PPP2R1B: variants seen among roughly 807,000 people sequenced by gnomAD.
The protein encoded by PPP2R1B is serine/threonine-protein phosphatase 2A 65 kDa regulatory subunit A beta isoform.
PPP2R1B carries 58 observed loss-of-function variants against 72.7 expected under a neutral mutation model. The observed-to-expected ratio is 0.80, with a 90% CI of 0.65 to 0.99. The LOEUF is 0.99. Among genes scored for constraint, PPP2R1B ranks in the 50% least tolerant of loss-of-function variants. PPP2R1B has a pLI of 0.00. For missense variants in PPP2R1B, 695 were observed against 733.6 expected, an observed-to-expected ratio of 0.95 and a Z score of 0.61; for synonymous variants, 256 against 264.6, an observed-to-expected ratio of 0.97 and a Z score of 0.32.
chr11:111,692,281 G>T, the PPP2R1B span, among the ~76,000 whole-genome samples: 1 of 140,498 alleles, frequency 7.1e-6, no homozygotes, highest in South Asian at 2.3e-4. Context: ...AACCCAGGAG[G>T]TGGAGGTTGC....
In PPP2R1B at chr11:111,738,516, G is replaced by T; in HGVS notation, c.*3080C>A. 4.1e-6 allele frequency: 4 copies of T among 985,444 alleles called. No homozygotes were observed. Among genetic ancestry groups the T allele is most frequent in the Non-Finnish European group, 4.8e-6 (4 of 829,936 alleles). The allele number at this position is 985,444 out of a possible 1,614,324, so 61.0% of individuals were successfully genotyped here. On this transcript the variant is annotated 3_prime_UTR_variant, in exon 15 of 15. Transcript: ENST00000527614. ...CAGGCTTGCTTCCCTGGAAGTCTACGCAAGCAACCTGAATGCCTGGACAAG... is the reference window on the plus strand; with the variant it reads ...CAGGCTTGCTTCCCTGGAAGTCTACTCAAGCAACCTGAATGCCTGGACAAG...
chr11:111,734,382 A>G (rs905586517), downstream of PPP2R1B, among the ~76,000 whole-genome samples: 6 of 152,222 alleles, frequency 3.9e-5, no homozygotes, highest in African/African-American at 1.4e-4. Flanking sequence ...CACAAACATA[A>G]GAACATCCCT....
rs369682040 is a variant in PPP2R1B at position 111,741,560 on chromosome 11, A to C, written c.*36T>G. On this transcript the variant is annotated 3_prime_UTR_variant, in exon 15 of 15. Coordinates refer to ENST00000527614, the MANE Select transcript of PPP2R1B (RefSeq NM_002716.5). ...ACACATTGACTAGAAATTTGTGACA[A>C]GAATCTAGTAAAGGCCTTTTCCCTC... The C allele has an allele frequency of 1.2e-5, 20 of 1,607,060 alleles. No individual in the cohort carries two copies. Among genetic ancestry groups the C allele is most frequent in the Non-Finnish European group, 1.6e-5 (19 of 1,178,432 alleles).
intron 11 of PPP2R1B, among the ~76,000 whole-genome samples, chr11:111,745,145 G>T (rs113593036): frequency 6.6e-6 from 1 of 150,416 alleles, no homozygotes; most frequent in African/African-American, 2.5e-5. Flanking sequence ...TCCGCCTCCT[G>T]GGTTCAAGCA....
At chr11:111,705,553 A>C in the PPP2R1B span, among the ~76,000 whole-genome samples, 7 of 152,298 alleles carry the variant, frequency 4.6e-5, no homozygotes, top group South Asian at 1.0e-3. The surrounding 1 kb of genome is among the most constrained non-coding windows in gnomAD (Gnocchi z 4.3). Flanking sequence ...ACCATCATTC[A>C]AAATAGGGAA....
Position 111,741,236 on chromosome 11 carries a change from C to T in PPP2R1B, c.*360G>A. 9.5e-7 allele frequency: 1 copy of T among 1,054,816 alleles called. No individual in the cohort carries two copies. Among genetic ancestry groups the T allele is most frequent in the Non-Finnish European group, 1.1e-6 (1 of 874,156 alleles). 65.3% of individuals were successfully genotyped at this position (1,054,816 alleles called of 1,614,324 possible). A position where few individuals can be genotyped will look rare whatever the true frequency, so the allele number is the denominator to read the frequency against. On this transcript the variant is annotated 3_prime_UTR_variant, in exon 15 of 15. Coordinates refer to ENST00000527614, the MANE Select transcript of PPP2R1B (RefSeq NM_002716.5). ...TAAACGTCAAGAGAATCACTCCACT[C>T]CACGTCTGGGTCCACACCCTTCCAG...
chr11:111,743,884 A>T (rs936043264), intron 11 of PPP2R1B, among the ~76,000 whole-genome samples: 1 of 152,238 alleles, frequency 6.6e-6, no homozygotes, highest in Non-Finnish European at 1.5e-5. Flanking sequence ...ATGGTGTAAG[A>T]GCAATTAGAA....
At chr11:111,720,518 T>C in the PPP2R1B span, 1 of 1,612,670 alleles carries the variant, frequency 6.2e-7, no homozygotes, top group African/African-American at 1.3e-5. Flanking sequence ...CCCTTGACAG[T>C]GTGGACTCTG....
chr11:111,755,058 C>A lies in PPP2R1B; in HGVS notation c.880G>T (p.Asp294Tyr). Residue 294 changes from aspartate to tyrosine, a missense_variant, in exon 7 of 15, where the codon GAC (aspartate) becomes TAC (tyrosine). Transcript: ENST00000527614. Reference protein sequence around the residue: ...KAMGPKITLNDLIPAFQNLLK... With the variant: ...KAMGPKITLNYLIPAFQNLLK... The stretch of plus-strand genomic sequence containing the variant: ...AGGTTCTGAAAGGCGGGGATGAGGT[C>A]ATTTAGGGTGATTTTAGGACCCATG... 6.2e-7 allele frequency: 1 copy of A among 1,613,912 alleles called. No individual in the cohort carries two copies. The highest frequency in any genetic ancestry group is 1.1e-5 in the South Asian group (1 of 91,036).
At chr11:111,708,636 A>G in the PPP2R1B span, among the ~76,000 whole-genome samples, 17 of 152,212 alleles carry the variant, frequency 1.1e-4, 1 homozygote, top group South Asian at 3.5e-3. Flanking sequence ...CCAAGGCCAG[A>G]GGACAGTGGC....
chr11:111,745,503 T>G (rs1383776792), intron 11 of PPP2R1B, among the ~76,000 whole-genome samples: 1 of 152,226 alleles, frequency 6.6e-6, no homozygotes. Context: ...CTTGGCCAGA[T>G]GCCTACTATG....
At chr11:111,713,875 G>T in the PPP2R1B span, among the ~76,000 whole-genome samples, 1 of 152,156 alleles carries the variant, frequency 6.6e-6, no homozygotes, top group South Asian at 2.1e-4. Flanking sequence ...GCTGAGGCAA[G>T]AGAATTGCTT....
At chr11:111,706,772 C>T in the PPP2R1B span, among the ~76,000 whole-genome samples, 2 of 151,772 alleles carry the variant, frequency 1.3e-5, no homozygotes, top group Admixed American at 6.6e-5. Context: ...TCATCCTGGC[C>T]AACATGGTGA....
the PPP2R1B span, among the ~76,000 whole-genome samples, chr11:111,691,485 C>T: frequency 1.3e-5 from 2 of 152,114 alleles, no homozygotes; most frequent in Non-Finnish European, 2.9e-5. Context: ...AAGTAGCAGA[C>T]CTGGAATTCA....
chr11:111,724,865 G>A (rs1943919442), downstream of PPP2R1B: 1 of 152,272 alleles, frequency 6.6e-6, no homozygotes, highest in Non-Finnish European at 1.5e-5. Flanking sequence ...ACGTGGAACT[G>A]ACAGGAGACC....
intron 10 of PPP2R1B, among the ~76,000 whole-genome samples, chr11:111,748,867 G>A (rs1555047085): frequency 1.3e-5 from 2 of 150,734 alleles, no homozygotes; most frequent in African/African-American, 4.9e-5. Context: ...TTTTTTTTGA[G>A]ATGGAGTCTC....
intron 15 of PPP2R1B, chr11:111,730,456 A>T (rs1245845898): frequency 6.6e-6 from 1 of 152,264 alleles, no homozygotes; most frequent in Non-Finnish European, 1.5e-5. Context: ...AAAGGGATAC[A>T]GAGATATCTG....
intron 3 of PPP2R1B, 101 bp downstream of exon 3, chr11:111,764,704 A>T (rs1021320567): frequency 5.7e-5 from 67 of 1,165,744 alleles, no homozygotes; most frequent in South Asian, 4.5e-4. Context: ...GCCCATAAAA[A>T]GATCTGCATA....
intron 5 of PPP2R1B, 145 bp downstream of exon 5, chr11:111,759,659 G>T: frequency 8.7e-6 from 7 of 800,160 alleles, no homozygotes; most frequent in Non-Finnish European, 1.3e-5. Context: ...ATTGAGATAA[G>T]CATGTTACAC....
Sources: gnomAD v4.1 joint callset for allele counts (sites outside exome capture counted in the v4.1 genomes callset) on GRCh38, gnomAD v4.1.1 for gene constraint, Gnocchi (gnomAD v3.1) non-coding constraint, MANE v1.5 for transcripts, NCBI Gene and HGNC (gene_info 2026-07-23, HGNC 2026-07-21) for gene names.